UNC5B: variants seen among roughly 807,000 people sequenced by gnomAD.
UNC5B encodes netrin receptor UNC5B.
Under a neutral mutation model 103.7 loss-of-function variants are expected in UNC5B, and 56 were observed. That is an observed-to-expected ratio of 0.54 (90% CI 0.44 to 0.67). UNC5B has a LOEUF of 0.67. Ranked by LOEUF, UNC5B falls within the 30% of genes least tolerant of loss-of-function variation. UNC5B has a pLI of 0.00. For missense variants in UNC5B, 1,194 were observed against 1,284.5 expected (o/e 0.93, Z 1.08); for synonymous variants, 577 against 542.0 (o/e 1.06, Z -0.90).
At chr10:71,236,476 C>G (rs746759947) in intron 1 of UNC5B, among the ~76,000 whole-genome samples, 29 of 152,198 alleles carry the variant, frequency 1.9e-4, no homozygotes, top group Non-Finnish European at 3.4e-4. Flanking sequence ...CCTGAGCCCC[C>G]CTTCAGAGCC....
At chr10:71,259,622 C>T (rs577244546) in intron 1 of UNC5B, among the ~76,000 whole-genome samples, 2 of 152,316 alleles carry the variant, frequency 1.3e-5, no homozygotes, top group Admixed American at 6.5e-5. Context: ...CTGAACGCTG[C>T]AGTCAGGCCC....
chr10:71,226,305 C>A (rs1843562896), intron 1 of UNC5B, among the ~76,000 whole-genome samples: 1 of 152,180 alleles, frequency 6.6e-6, no homozygotes, highest in Admixed American at 6.5e-5. Flanking sequence ...AAACTCCTGA[C>A]CTCAAGTGAT....
At chr10:71,265,464 C>T (rs1440738521) in intron 1 of UNC5B, among the ~76,000 whole-genome samples, 1 of 152,152 alleles carries the variant, frequency 6.6e-6, no homozygotes, top group Non-Finnish European at 1.5e-5. Context: ...CTTATGATGC[C>T]AACCAAAGAG....
At chr10:71,267,055 G>A (rs961795391) in intron 1 of UNC5B, among the ~76,000 whole-genome samples, 80 of 152,080 alleles carry the variant, frequency 5.3e-4, no homozygotes, top group Non-Finnish European at 8.5e-4. Context: ...AAGTTTTCAG[G>A]CATCCACGGG....
chr10:71,280,925 T>C (rs1446898129), intron 2 of UNC5B, among the ~76,000 whole-genome samples: 4 of 152,266 alleles, frequency 2.6e-5, no homozygotes, highest in African/African-American at 7.2e-5. Context: ...GGTTTTGTTT[T>C]GTTTTTCCCG....
chr10:71,261,027 G>A lies in UNC5B; in HGVS notation c.80-18794G>A, dbSNP rs141557908. ...GGCTGGTTCACTATTAGGGGCCAGC[G>A]TGGGAATGGGGAGAGGATGGGACCT... On this transcript the variant is annotated intron_variant, in intron 1 of 16. Coordinates refer to ENST00000335350, the MANE Select transcript of UNC5B (RefSeq NM_170744.5). Among the ~76,000 whole-genome samples, 166 of 152,354 alleles carry A rather than the reference G, an allele frequency of 1.1e-3. 1 individual carries two copies. The highest frequency in any genetic ancestry group is 4.1e-4 in the South Asian group (2 of 4,834).
At chr10:71,272,796 C>T (rs577454481) in intron 1 of UNC5B, among the ~76,000 whole-genome samples, 1 of 152,244 alleles carries the variant, frequency 6.6e-6, no homozygotes, top group East Asian at 1.9e-4. Context: ...AGGAAACAGT[C>T]TGTGGGGCTT....
rs781650417 is a variant in UNC5B at position 71,286,826 on chromosome 10, C to G, written c.690C>G (p.Ile230Met). Residue 230 changes from isoleucine (I) to methionine (M), a missense_variant, in exon 5 of 17, where the codon ATC becomes ATG. By Grantham distance (10) the Ile-to-Met change is conservative. Coordinates refer to ENST00000335350, the MANE Select transcript of UNC5B (RefSeq NM_170744.5). The part of the protein sequence containing the change: ...TANYTCVAKN[I>M]VAKRRSTTAT... ...ACTATACCTGCGTGGCCAAGAACAT[C>G]GTGGCCAAACGCCGGAGCACCACTG... The G allele has an allele frequency of 6.2e-6, 10 of 1,614,056 alleles. No homozygotes were observed. The highest frequency in any genetic ancestry group is 1.3e-5 in the African/African-American group (1 of 74,946).
intron 2 of UNC5B, among the ~76,000 whole-genome samples, chr10:71,280,359 C>A (rs1844892247): frequency 6.6e-6 from 1 of 152,180 alleles, no homozygotes; most frequent in Non-Finnish European, 1.5e-5. Flanking sequence ...GAGGGCAGGT[C>A]TCTGCCTCAC....
chr10:71,284,578 G>A, intron 2 of UNC5B, 142 bp from the exon 3 acceptor site: 1 of 1,227,422 alleles, frequency 8.1e-7, no homozygotes, highest in Non-Finnish European at 1.1e-6. Context: ...GAGCCAGGGT[G>A]GAGACAGGAG....
chr10:71,229,756 CAG>C (rs1029742419), intron 1 of UNC5B, among the ~76,000 whole-genome samples: 5 of 152,174 alleles, frequency 3.3e-5, no homozygotes, highest in African/African-American at 1.2e-4. Flanking sequence ...GTGTAGTTCT[CAG>C]AGCTTCTTAG....
chr10:71,230,078 C>A (rs1589152924), intron 1 of UNC5B, among the ~76,000 whole-genome samples: 1 of 152,178 alleles, frequency 6.6e-6, no homozygotes, highest in Middle Eastern at 3.2e-3. Flanking sequence ...TTCACCCCTA[C>A]CTCCTCCTCT....
intron 1 of UNC5B, chr10:71,218,055 AGTATG>A (rs1843374009): frequency 6.9e-6 from 1 of 144,120 alleles, no homozygotes; most frequent in Non-Finnish European, 1.5e-5. Flanking sequence ...TGGGTGTGAG[AGTATG>A]TATTAAGGAG....
At chr10:71,214,114 A>G (rs1843287069) in intron 1 of UNC5B, among the ~76,000 whole-genome samples, 1 of 152,076 alleles carries the variant, frequency 6.6e-6, no homozygotes, top group Non-Finnish European at 1.5e-5. Context: ...CTCCGGAGCC[A>G]GGTGGGGACG....
intron 1 of UNC5B, among the ~76,000 whole-genome samples, chr10:71,253,601 G>C (rs1240038920): frequency 6.6e-6 from 1 of 152,192 alleles, no homozygotes; most frequent in Non-Finnish European, 1.5e-5. Flanking sequence ...AGGGCAAGCT[G>C]GGGCTTTGTC....
chr10:71,289,969 A>AAG (rs1224819002), intron 8 of UNC5B, among the ~76,000 whole-genome samples: 1 of 152,200 alleles, frequency 6.6e-6, no homozygotes, highest in Non-Finnish European at 1.5e-5. Context: ...CCCAGGGAGG[A>AAG]AGTGCGTGGA....
At chr10:71,287,514 G>T (rs375071345) in intron 5 of UNC5B, 84 bp from the exon 6 acceptor site, 4 of 1,487,296 alleles carry the variant, frequency 2.7e-6, no homozygotes, top group East Asian at 2.3e-5. Context: ...CAGCAGAGGG[G>T]CCTCGTCAGG....
intron 13 of UNC5B, 105 bp downstream of exon 13, chr10:71,294,038 C>T (rs747888067): frequency 4.8e-6 from 5 of 1,042,976 alleles, no homozygotes; most frequent in Non-Finnish European, 5.4e-6. Flanking sequence ...AACCCCTCCC[C>T]GCCACCAGCA....
In UNC5B at chr10:71,284,878, C is replaced by A. The variant is rs980411601; in HGVS notation, c.448+15C>A. The A allele has an allele frequency of 1.3e-6, 2 of 1,578,560 alleles. No individual in the cohort carries two copies. The highest frequency in any genetic ancestry group is 1.7e-6 in the Non-Finnish European group (2 of 1,163,246). ...CCGCATCGCCTGTACGCCACCCTGA[C>A]CCCCACCCTGTCCCTGCAGGAACCT... On this transcript the variant is annotated intron_variant, in intron 3 of 16. Transcript: ENST00000335350.
Sources: allele counts gnomAD v4.1 joint callset (sites outside exome capture counted in the v4.1 genomes callset), GRCh38; gene constraint gnomAD v4.1.1; transcripts MANE v1.5; gene names NCBI Gene and HGNC (gene_info 2026-07-23, HGNC 2026-07-21).